The following WASL variants were observed in gnomAD, a reference collection of about 807,000 sequenced individuals.
WASL encodes the protein actin nucleation-promoting factor WASL.
WASL carries 20 observed loss-of-function variants against 55.5 expected under a neutral mutation model. That is an observed-to-expected ratio of 0.36 (90% confidence interval 0.25 to 0.52). The LOEUF (loss-of-function observed/expected upper bound fraction) is 0.52. Among genes scored for constraint, WASL ranks in the 20% least tolerant of loss-of-function variants. The pLI is 0.92. For missense variants in WASL, 504 were observed against 622.5 expected (o/e 0.81, Z 2.03); for synonymous variants, 249 against 217.6 (o/e 1.14, Z -1.27).
At chr7:123,710,259 T>C (rs1584863574) in intron 1 of WASL, among the ~76,000 whole-genome samples, 1 of 151,254 alleles carries the variant, frequency 6.6e-6, no homozygotes, top group African/African-American at 2.4e-5. Context: ...TCATTTAGAA[T>C]ATAATACTTC....
chr7:123,689,169 C>A lies in WASL; in HGVS notation c.1348-19G>T. ...CAGCCACCTTGGAAAAGAAAGTTAGCAAAACTCAGTAATAAATCTTTAGCC... is the reference window on the plus strand; with the variant it reads ...CAGCCACCTTGGAAAAGAAAGTTAGAAAAACTCAGTAATAAATCTTTAGCC... On this transcript the variant is annotated intron_variant, in intron 9 of 10. Transcript: ENST00000223023. The A allele has an allele frequency of 6.3e-7, 1 of 1,595,012 alleles. No individual in the cohort carries two copies. The highest frequency in any genetic ancestry group is 8.6e-7 in the Non-Finnish European group (1 of 1,163,542).
chr7:123,699,934 T>C (rs1019062821), intron 5 of WASL, among the ~76,000 whole-genome samples: 1 of 152,040 alleles, frequency 6.6e-6, no homozygotes, highest in Non-Finnish European at 1.5e-5. Flanking sequence ...CCCAGCACTT[T>C]GGGAGGCCGA....
At chr7:123,715,330 G>C (rs927247522) in intron 1 of WASL, among the ~76,000 whole-genome samples, 5 of 152,128 alleles carry the variant, frequency 3.3e-5, no homozygotes, top group Admixed American at 6.5e-5. Context: ...AGAGAGCAAG[G>C]CCCTAGTCCA....
At chr7:123,737,016 GA>G (rs1804244530) in intron 1 of WASL, among the ~76,000 whole-genome samples, 2 of 152,160 alleles carry the variant, frequency 1.3e-5, no homozygotes, top group South Asian at 2.1e-4. Flanking sequence ...ACAAATGAAA[GA>G]AATAGAAGAA....
In WASL at chr7:123,695,065, C is replaced by T. The variant is rs1055028321; in HGVS notation, c.673-197G>A. ...CTATTTTATTCTTCTTTTTTGTTCC[C>T]TGCCTTCAAAAAGAGGGCATCTCAT... On this transcript the variant is annotated intron_variant, in intron 7 of 10. Transcript: ENST00000223023. Among the ~76,000 whole-genome samples the T allele has an allele frequency of 2.6e-5, 4 of 151,890 alleles. No homozygotes were observed. The East Asian group carries it at 7.7e-4, about 29-fold the overall frequency.
rs993989931 is a variant in WASL, at chr7:123,681,985, T to A, written c.*2534A>T. 1 of 152,164 alleles carries A rather than the reference T, an allele frequency of 6.6e-6. No individual in the cohort carries two copies. Among genetic ancestry groups the A allele is most frequent in the Non-Finnish European group, 1.5e-5 (1 of 68,018 alleles). 9.4% of individuals were successfully genotyped at this position (152,164 alleles called of 1,614,324 possible). A position where few individuals can be genotyped will look rare whatever the true frequency, so the allele number is the denominator to read the frequency against. ...TAATTTTATTATGCTCCATGATGAATTGCCACCAGTGCAACATCCTATTCA... is the reference window on the plus strand; with the variant it reads ...TAATTTTATTATGCTCCATGATGAAATGCCACCAGTGCAACATCCTATTCA... On this transcript the variant is annotated 3_prime_UTR_variant, in exon 11 of 11. Transcript: ENST00000223023.
At chr7:123,722,014 C>A (rs1312870457) in intron 1 of WASL, among the ~76,000 whole-genome samples, 1 of 151,932 alleles carries the variant, frequency 6.6e-6, no homozygotes, top group Admixed American at 6.6e-5. Flanking sequence ...GGGGTGGGGG[C>A]AGGGGCAGGC....
rs1420467801 is a variant in WASL at position 123,695,586 on chromosome 7, T to G, written c.672+237A>C. On this transcript the variant is annotated intron_variant, in intron 7 of 10. Coordinates refer to ENST00000223023, the MANE Select transcript of WASL (RefSeq NM_003941.4). Reference sequence around the variant, plus strand: ...CTCTTGGCTTTCAAAGCACAAGGATTTTATTTATACAGTGTATAAAGCCAA... The same window carrying G: ...CTCTTGGCTTTCAAAGCACAAGGATGTTATTTATACAGTGTATAAAGCCAA... Among the ~76,000 whole-genome samples the G allele has an allele frequency of 4.0e-4, 61 of 152,068 alleles. 1 individual carries two copies. Among genetic ancestry groups the G allele is most frequent in the Non-Finnish European group, 1.8e-4 (12 of 67,946 alleles).
chr7:123,705,039 A>T (rs1562959879), intron 4 of WASL, among the ~76,000 whole-genome samples: 1 of 152,218 alleles, frequency 6.6e-6, no homozygotes, highest in African/African-American at 2.4e-5. Context: ...AAAGTGATAT[A>T]ACCTAATCTA....
chr7:123,689,058 T>G lies in WASL; in HGVS notation c.1440A>C (p.Lys480Asn). The G allele has an allele frequency of 6.2e-7, 1 of 1,612,854 alleles. No homozygotes were observed. Among genetic ancestry groups the G allele is most frequent in the Non-Finnish European group, 8.5e-7 (1 of 1,179,278 alleles). ...TCTCTCTACCTGAAGAATGAATGGC[T>G]TTGCTCCTTTTCTGCATCACTTCCA... The part of the protein sequence containing the change: ...ALMEVMQKRS[K>N]AIHSSDEDED... The change falls in exon 10 of 11, where the codon AAA becomes AAC. Residue 480 changes from lysine to asparagine, a missense_variant. Around this residue, in one of 5 missense-constraint regions of WASL, gnomAD observed 53 missense variants for 69.1 expected, o/e 0.77. Transcript: ENST00000223023.
intron 1 of WASL, among the ~76,000 whole-genome samples, chr7:123,723,910 TTCTAAAAGATTGTGTATA>T (rs1195673359): frequency 6.6e-6 from 1 of 152,218 alleles, no homozygotes; most frequent in East Asian, 1.9e-4. Context: ...AACAATACAC[TTCTAAAAGATTGTGTATA>T]TTCTCATATC....
chr7:123,711,884 G>A (rs931346741), intron 1 of WASL, among the ~76,000 whole-genome samples: 5 of 152,160 alleles, frequency 3.3e-5, no homozygotes, highest in Admixed American at 6.5e-5. Flanking sequence ...AGGAAAAAAA[G>A]TACTGTATCA....
intron 1 of WASL, among the ~76,000 whole-genome samples, chr7:123,739,597 A>C (rs1298605192): frequency 6.6e-6 from 1 of 152,162 alleles, no homozygotes; most frequent in East Asian, 1.9e-4. Context: ...GCCCAACTGT[A>C]GGTTATTGTA....
chr7:123,748,493 G>A (rs1475496650), intron 1 of WASL, 125 bp downstream of exon 1: 2 of 953,702 alleles, frequency 2.1e-6, no homozygotes, highest in South Asian at 1.7e-5. Flanking sequence ...CGGGGCCGGG[G>A]CCGGGGCTGG....
chr7:123,736,448 A>G (rs952634063), intron 1 of WASL, among the ~76,000 whole-genome samples: 14 of 152,236 alleles, frequency 9.2e-5, no homozygotes, highest in Admixed American at 2.6e-4. Flanking sequence ...GAATCTTTAC[A>G]GCAAAAGCTA....
intron 1 of WASL, among the ~76,000 whole-genome samples, chr7:123,715,619 C>A (rs1237230187): frequency 6.6e-6 from 1 of 152,066 alleles, no homozygotes; most frequent in Non-Finnish European, 1.5e-5. Flanking sequence ...AGTTTTAGAC[C>A]TCACCTTCAT....
intron 1 of WASL, among the ~76,000 whole-genome samples, chr7:123,731,261 A>G (rs1287412829): frequency 3.3e-5 from 5 of 152,236 alleles, no homozygotes; most frequent in African/African-American, 7.2e-5. Flanking sequence ...ACAAAAAGAC[A>G]TAACAATCTG....
chr7:123,689,525 A>G (rs931544602), intron 9 of WASL, among the ~76,000 whole-genome samples: 1 of 152,206 alleles, frequency 6.6e-6, no homozygotes, highest in Admixed American at 6.5e-5. Context: ...ACAGAGGTTA[A>G]TACTTAGACT....
chr7:123,741,242 T>C (rs567614919), intron 1 of WASL, among the ~76,000 whole-genome samples: 1 of 152,224 alleles, frequency 6.6e-6, no homozygotes, highest in Non-Finnish European at 1.5e-5. Flanking sequence ...TTAAATGTGT[T>C]ACAGCTCACA....
Sources: gnomAD v4.1 joint callset for allele counts (sites outside exome capture counted in the v4.1 genomes callset) on GRCh38, gnomAD v4.1.1 for gene constraint, gnomAD v4.1.1 regional missense constraint, MANE v1.5 for transcripts, NCBI Gene and HGNC (gene_info 2026-07-23, HGNC 2026-07-21) for gene names.